The following ERO1B variants were observed in gnomAD, a reference collection of about 807,000 sequenced individuals.
ERO1B encodes ERO1-like protein beta.
In ERO1B, 49 loss-of-function variants were observed where a neutral mutation model predicts 75.3. That is an observed-to-expected ratio of 0.65 (90% CI 0.52 to 0.83). ERO1B has a LOEUF of 0.83. Ranked by LOEUF, ERO1B falls within the 40% of genes least tolerant of loss-of-function variation. ERO1B has a pLI of 0.00. For missense variants in ERO1B, 512 were observed against 560.1 expected, an observed-to-expected ratio of 0.91 and a Z score of 0.87; for synonymous variants, 191 against 192.9, an observed-to-expected ratio of 0.99 and a Z score of 0.08.
At chr1:236,254,949 G>A (rs762390647) in intron 2 of ERO1B, among the ~76,000 whole-genome samples, 57 of 151,180 alleles carry the variant, frequency 3.8e-4, no homozygotes, top group Non-Finnish European at 6.6e-4. Flanking sequence ...TTGAGACAGA[G>A]TCTTGCTCTG....
chr1:236,228,883 G>A (rs139151306), intron 10 of ERO1B, among the ~76,000 whole-genome samples: 1 of 152,138 alleles, frequency 6.6e-6, no homozygotes, highest in South Asian at 2.1e-4. Context: ...CTGGAAGAAT[G>A]GTTGATATAA....
intron 9 of ERO1B, among the ~76,000 whole-genome samples, chr1:236,232,493 A>C (rs576585728): frequency 6.6e-6 from 1 of 152,334 alleles, no homozygotes; most frequent in African/African-American, 2.4e-5. Flanking sequence ...TAAAGAGGTC[A>C]CAAGACAAAT....
rs1221378586 is a variant in ERO1B, at chr1:236,252,292, G to A, written c.307-201C>T. 3.3e-5 allele frequency among the ~76,000 whole-genome samples: 5 copies of A among 152,048 alleles called. No individual in the cohort carries two copies. The South Asian group carries it at 8.3e-4, about 25-fold the overall frequency. ...CCAATATACAGACTTATAAATCAAA[G>A]TATAGAAAACTGAATGACATACACA... On this transcript the variant is annotated intron_variant, in intron 3 of 15. Coordinates refer to ENST00000354619, the MANE Select transcript of ERO1B (RefSeq NM_019891.4).
In ERO1B at chr1:236,235,776, A is replaced by G. The variant is rs114675288; in HGVS notation, c.673+13T>C. 4.4e-3 allele frequency: 6,995 copies of G among 1,604,920 alleles called. 27 individuals are homozygous for G. Among genetic ancestry groups the G allele is most frequent in the Non-Finnish European group, 5.3e-3 (6,281 of 1,176,470 alleles). ...CAATGAAAAGCATGAAAATGTACAT[A>G]TGAAAAACCTACCTCGGCTAGGCGC... On this transcript the variant is annotated intron_variant, in intron 8 of 15. Coordinates refer to ENST00000354619, the MANE Select transcript of ERO1B (RefSeq NM_019891.4).
At chr1:236,231,122 A>G (rs932344043) in intron 9 of ERO1B, among the ~76,000 whole-genome samples, 1 of 152,198 alleles carries the variant, frequency 6.6e-6, no homozygotes, top group Non-Finnish European at 1.5e-5. Context: ...CTAATCCAAT[A>G]AAACTAAAAA....
chr1:236,261,344 T>C (rs1215215521), intron 2 of ERO1B, among the ~76,000 whole-genome samples: 1 of 152,058 alleles, frequency 6.6e-6, no homozygotes. Flanking sequence ...GACATCTATA[T>C]AGAAAAAGAA....
At chr1:236,230,600 A>G (rs568538980) in intron 9 of ERO1B, among the ~76,000 whole-genome samples, 54 of 129,646 alleles carry the variant, frequency 4.2e-4, no homozygotes, top group African/African-American at 9.8e-4. Context: ...TGACAGAGTG[A>G]GACCCTGTCT....
At position 236,281,744 on chromosome 1, in the gene ERO1B, CCCCCTGCCCAG is replaced by C. The variant is rs1283029075; in HGVS notation, c.29_39del (p.Ala10GlyfsTer28). 3.3e-6 allele frequency: 5 copies of C among 1,516,472 alleles called. No homozygotes were observed. The highest frequency in any genetic ancestry group is 2.6e-5 in the East Asian group (1 of 39,106). The allele number at this position is 1,516,472 out of a possible 1,614,324, so 93.9% of individuals were successfully genotyped here. On this transcript the variant is annotated frameshift_variant, in exon 1 of 16. Transcript: ENST00000354619. LOFTEE classifies it high-confidence loss of function. ...ACCAGCAGCTGCACCGCGGCCGCTA[CCCCCTGCCCAG>C]CGCCTGCCCGGCGGACCCCTTGGCT...
chr1:236,280,744 A>G (rs894460714), intron 1 of ERO1B, among the ~76,000 whole-genome samples: 2 of 152,158 alleles, frequency 1.3e-5, no homozygotes, highest in Non-Finnish European at 1.5e-5. Context: ...GATGAGCACT[A>G]ATTGCTTCAA....
In ERO1B at chr1:236,217,512, C is replaced by T. The variant is rs749624062; in HGVS notation, c.*1004G>A. 2 of 152,474 alleles carry T rather than the reference C, an allele frequency of 1.3e-5. No individual in the cohort carries two copies. Among genetic ancestry groups the T allele is most frequent in the South Asian group, 2.1e-4 (1 of 4,822 alleles). The allele number at this position is 152,474 out of a possible 1,614,324, so 9.4% of individuals were successfully genotyped here. A position where few individuals can be genotyped will look rare whatever the true frequency, so the allele number is the denominator to read the frequency against. ...CTGTCAGGGAAAAGCACACTGAGTT[C>T]GAGGATTGCATAGATTGTATTCTAA... is the stretch of plus-strand genomic sequence containing the variant. On this transcript the variant is annotated 3_prime_UTR_variant, in exon 16 of 16. Coordinates refer to ENST00000354619, the MANE Select transcript of ERO1B (RefSeq NM_019891.4).
chr1:236,242,962 T>A (rs190735385), intron 6 of ERO1B, among the ~76,000 whole-genome samples: 100 of 152,342 alleles, frequency 6.6e-4, no homozygotes, highest in Middle Eastern at 3.4e-3. Flanking sequence ...CATCTTTACA[T>A]GAGTTTGTTA....
intron 2 of ERO1B, among the ~76,000 whole-genome samples, chr1:236,258,125 G>T (rs200940865): frequency 1.1e-4 from 1 of 9,214 alleles, no homozygotes; most frequent in Non-Finnish European, 2.0e-4. Context: ...GAGAGAGAGA[G>T]AAAGAAAAAA....
intron 5 of ERO1B, among the ~76,000 whole-genome samples, chr1:236,248,600 G>C (rs750636867): frequency 2.0e-5 from 3 of 152,092 alleles, no homozygotes; most frequent in Non-Finnish European, 4.4e-5. Context: ...AACATGGACA[G>C]ATCTAGAAAG....
chr1:236,277,424 A>G (rs1029083455), intron 1 of ERO1B, among the ~76,000 whole-genome samples: 1 of 151,666 alleles, frequency 6.6e-6, no homozygotes, highest in Non-Finnish European at 1.5e-5. Flanking sequence ...AAAAAAAAAG[A>G]ATGGACTAAT....
At chr1:236,234,593 G>A (rs910242944) in intron 8 of ERO1B, among the ~76,000 whole-genome samples, 1 of 152,168 alleles carries the variant, frequency 6.6e-6, no homozygotes, top group Admixed American at 6.5e-5. Flanking sequence ...GTCTTTTTCA[G>A]GACCAACTTC....
chr1:236,258,171 A>G (rs1471103865), intron 2 of ERO1B, among the ~76,000 whole-genome samples: 1 of 143,324 alleles, frequency 7.0e-6, no homozygotes, highest in Non-Finnish European at 1.5e-5. Flanking sequence ...AAACCCAGCC[A>G]GATCCAGGAA....
Position 236,281,743 on chromosome 1 carries a change from A to G in ERO1B, c.41T>C (p.Val14Ala). The G allele has an allele frequency of 6.6e-7, 1 of 1,511,844 alleles. No homozygotes were observed. Among genetic ancestry groups the G allele is most frequent in the Non-Finnish European group, 8.8e-7 (1 of 1,133,380 alleles). The allele number at this position is 1,511,844 out of a possible 1,614,324, so 93.7% of individuals were successfully genotyped here. ...GACCAGCAGCTGCACCGCGGCCGCTACCCCCTGCCCAGCGCCTGCCCGGCG... is the reference window on the plus strand; with the variant it reads ...GACCAGCAGCTGCACCGCGGCCGCTGCCCCCTGCCCAGCGCCTGCCCGGCG... Reference protein sequence around the residue: ...GVRRAGAGQGVAAAVQLLVTL... With the variant: ...GVRRAGAGQGAAAAVQLLVTL... The change falls in exon 1 of 16, where the codon GTA (valine) becomes GCA (alanine). Residue 14 changes from valine (V) to alanine (A), a missense_variant. Val to Ala is a moderately conservative substitution (Grantham distance 64). Coordinates refer to ENST00000354619, the MANE Select transcript of ERO1B (RefSeq NM_019891.4).
chr1:236,250,471 C>T (rs536630979), intron 4 of ERO1B, among the ~76,000 whole-genome samples: 1 of 150,192 alleles, frequency 6.7e-6, no homozygotes, highest in East Asian at 2.0e-4. Flanking sequence ...GACTCTGTCT[C>T]AAAAAAATAA....
chr1:236,229,563 T>C (rs962379660), intron 10 of ERO1B, among the ~76,000 whole-genome samples: 3 of 152,228 alleles, frequency 2.0e-5, no homozygotes, highest in East Asian at 3.8e-4. Flanking sequence ...TACTTGCTTA[T>C]CTGTTACTAA....
Sources: gnomAD v4.1 joint callset for allele counts (sites outside exome capture counted in the v4.1 genomes callset) on GRCh38, gnomAD v4.1.1 for gene constraint, MANE v1.5 for transcripts, NCBI Gene and HGNC (gene_info 2026-07-23, HGNC 2026-07-21) for gene names.